The following SBF2 variants were observed in gnomAD, a reference collection of about 807,000 sequenced individuals.
SBF2 encodes the protein SET binding factor 2, also known as myotubularin-related protein 13.
A neutral mutation model predicts 225.2 loss-of-function variants in SBF2; 112 were observed. That is an observed-to-expected ratio of 0.50 (90% CI 0.43 to 0.58). The LOEUF (loss-of-function observed/expected upper bound fraction) is 0.58, where lower values mean the gene tolerates loss of function less well. Among genes scored for constraint, SBF2 ranks in the 20% least tolerant of loss-of-function variants. The probability of loss-of-function intolerance (pLI) is 0.00; values close to 1 mark genes in which losing one functional copy is unlikely to be tolerated. For missense variants in SBF2, 1,996 were observed against 2,206.2 expected (o/e 0.90, Z 1.91); for synonymous variants, 763 against 773.3 (o/e 0.99, Z 0.22).
chr11:9,958,709 A>C (rs892429857), intron 16 of SBF2: 5 of 374,786 alleles, frequency 1.3e-5, no homozygotes, highest in African/African-American at 1.1e-4. Flanking sequence ...AAGTACTAGG[A>C]GGGGCTTGAC....
intron 1 of SBF2, among the ~76,000 whole-genome samples, chr11:10,278,377 A>T (rs558456016): frequency 1.3e-5 from 2 of 152,358 alleles, no homozygotes; most frequent in South Asian, 4.1e-4. Context: ...CTTTTACTCA[A>T]TAAACAACTG....
At chr11:10,187,473 T>G (rs1025104207) in intron 2 of SBF2, among the ~76,000 whole-genome samples, 1 of 152,184 alleles carries the variant, frequency 6.6e-6, no homozygotes, top group African/African-American at 2.4e-5. Flanking sequence ...GGGGGACCCC[T>G]GCCTTCGCTC....
At chr11:9,889,213 A>G (rs1270266689) in intron 17 of SBF2, among the ~76,000 whole-genome samples, 1 of 152,218 alleles carries the variant, frequency 6.6e-6, no homozygotes, top group African/African-American at 2.4e-5. Context: ...TAGGTCAGTT[A>G]GATTTACACA....
chr11:9,979,727 T>C (rs1946857346), intron 13 of SBF2, among the ~76,000 whole-genome samples: 1 of 152,122 alleles, frequency 6.6e-6, no homozygotes, highest in African/African-American at 2.4e-5. Context: ...TATTGCTTCT[T>C]AGTAAAGAAG....
rs773521205 is a variant in SBF2, at chr11:9,845,704, C to T, written c.2971G>A (p.Glu991Lys). The T allele has an allele frequency of 2.5e-6, 4 of 1,613,912 alleles. No homozygotes were observed. Among genetic ancestry groups the T allele is most frequent in the Non-Finnish European group, 2.5e-6 (3 of 1,179,832 alleles). ...TGTTTCTTAAAGATCTCTACTACTT[C>T]TGGACTGACTTCTTCATCAAATGCT... Reference protein sequence around the residue: ...KVAFDEEVSPEVVEIFKKQLM... With the variant: ...KVAFDEEVSPKVVEIFKKQLM... The change falls in exon 24 of 40, where the codon GAA (glutamate) becomes AAA (lysine). Residue 991 changes from glutamate to lysine, a missense_variant. Coordinates refer to ENST00000256190, the MANE Select transcript of SBF2 (RefSeq NM_030962.4).
At chr11:10,044,006 A>G (rs1165697274) in intron 2 of SBF2, among the ~76,000 whole-genome samples, 1 of 152,234 alleles carries the variant, frequency 6.6e-6, no homozygotes, top group East Asian at 1.9e-4. Flanking sequence ...GCTTATAGAA[A>G]AATTTCTATC....
At chr11:10,014,522 A>G (rs1565133702) in intron 6 of SBF2, among the ~76,000 whole-genome samples, 1 of 150,358 alleles carries the variant, frequency 6.7e-6, no homozygotes, top group African/African-American at 2.4e-5. Context: ...AAAAAAAAAA[A>G]AAAAAACGAA....
At chr11:9,886,642 C>A (rs76640402) in intron 17 of SBF2, among the ~76,000 whole-genome samples, 11,491 of 149,924 alleles carry the variant, frequency 0.077, 511 homozygotes, top group East Asian at 0.1. Flanking sequence ...TGCAGTAGCA[C>A]CATCGTGTTC....
At chr11:10,266,434 T>C (rs1961998666) in intron 1 of SBF2, among the ~76,000 whole-genome samples, 1 of 152,202 alleles carries the variant, frequency 6.6e-6, no homozygotes, top group Non-Finnish European at 1.5e-5. Flanking sequence ...GGACCCAGGC[T>C]AGATACGGGT....
chr11:10,228,049 T>C (rs911662865), intron 1 of SBF2, among the ~76,000 whole-genome samples: 7 of 151,568 alleles, frequency 4.6e-5, no homozygotes, highest in Non-Finnish European at 1.0e-4. Flanking sequence ...CCCTTGTAAC[T>C]TGGATTCCTA....
intron 2 of SBF2, among the ~76,000 whole-genome samples, chr11:10,176,201 G>A (rs899151274): frequency 6.8e-6 from 1 of 146,222 alleles, no homozygotes; most frequent in Non-Finnish European, 1.5e-5. Context: ...TTGTGTAGAG[G>A]GAAATTTATA....
At chr11:9,848,005 G>C (rs1856675452) in intron 22 of SBF2, among the ~76,000 whole-genome samples, 1 of 152,040 alleles carries the variant, frequency 6.6e-6, no homozygotes, top group Non-Finnish European at 1.5e-5. Context: ...ATTTGCAGAA[G>C]GGAAAGGAAG....
At chr11:10,004,574 T>TTAAA (rs1554981699) in intron 6 of SBF2, among the ~76,000 whole-genome samples, 5 of 85,534 alleles carry the variant, frequency 5.8e-5, no homozygotes, top group African/African-American at 1.4e-4. Context: ...CTACAAAAAT[T>TTAAA]AAAAAAAAAA....
In SBF2 at chr11:10,183,245, C is replaced by T. The variant is rs141089559; in HGVS notation, c.141+10657G>A. 8.9e-3 allele frequency among the ~76,000 whole-genome samples: 1,353 copies of T among 152,244 alleles called. 13 individuals carry two copies. The highest frequency in any genetic ancestry group is 0.024 in the Middle Eastern group (7 of 294). ...TTCTAGGTGAAAGCGCTGCTTAAAG[C>T]GTCCCACATCCTCTCATTTCTTCCA... On this transcript the variant is annotated intron_variant, in intron 2 of 39. Coordinates refer to ENST00000256190, the MANE Select transcript of SBF2 (RefSeq NM_030962.4).
chr11:10,179,938 T>A (rs2135282604), intron 2 of SBF2, among the ~76,000 whole-genome samples: 1 of 152,320 alleles, frequency 6.6e-6, no homozygotes, highest in African/African-American at 2.4e-5. Flanking sequence ...CCAATTACTT[T>A]AATGACAAGT....
At chr11:10,165,570 A>G (rs891511247) in intron 2 of SBF2, among the ~76,000 whole-genome samples, 4 of 152,202 alleles carry the variant, frequency 2.6e-5, no homozygotes, top group Non-Finnish European at 5.9e-5. Flanking sequence ...GGACAACTTC[A>G]TTAAGATTCT....
At chr11:10,044,277 A>C (rs78008796) in intron 2 of SBF2, among the ~76,000 whole-genome samples, 4,605 of 152,142 alleles carry the variant, frequency 0.03, 185 homozygotes, top group African/African-American at 0.095. Context: ...AATTACTAAC[A>C]AATGAAATGA....
At position 9,976,743 on chromosome 11, in the gene SBF2, TTTC is replaced by T. The variant is rs1488955019; in HGVS notation, c.1396-8201_1396-8199del. On this transcript the variant is annotated intron_variant, in intron 13 of 39. Transcript: ENST00000256190. ...AACAATAAAACACATGTCCAACTGATTTCTTTTCTTTTTTTTTGTTGTTGTTGT... is the reference window on the plus strand; with the variant it reads ...AACAATAAAACACATGTCCAACTGATTTTTCTTTTTTTTTGTTGTTGTTGT... Among the ~76,000 whole-genome samples, 9 of 151,060 alleles carry T rather than the reference TTTC, an allele frequency of 6.0e-5. No homozygotes were observed. The South Asian group carries it at 1.1e-3, about 18-fold the overall frequency.
intron 1 of SBF2, among the ~76,000 whole-genome samples, chr11:10,231,965 G>C (rs4271380): frequency 0.22 from 33,544 of 152,204 alleles, 4,291 homozygotes; most frequent in Non-Finnish European, 0.3. Flanking sequence ...CCCAGTTCGA[G>C]CTTCCCGGCC....
Sources: gnomAD v4.1 joint callset for allele counts (sites outside exome capture counted in the v4.1 genomes callset) on GRCh38, gnomAD v4.1.1 for gene constraint, MANE v1.5 for transcripts, NCBI Gene and HGNC (gene_info 2026-07-23, HGNC 2026-07-21) for gene names.